Variants in KCNH7 observed in about 807,000 individuals in gnomAD.
The protein encoded by KCNH7 is potassium voltage-gated channel subfamily H member 7, also known as voltage-gated inwardly rectifying potassium channel KCNH7.
KCNH7 carries 49 observed loss-of-function variants against 120.8 expected under a neutral mutation model. That is an observed-to-expected ratio of 0.41 (90% CI 0.32 to 0.51). The LOEUF (loss-of-function observed/expected upper bound fraction) is 0.51. KCNH7 is among the 20% of genes least tolerant of loss of function. KCNH7 has a pLI of 0.38. For synonymous variants in KCNH7, 547 were observed against 516.1 expected (o/e 1.06, Z -0.81); for missense variants, 1,097 against 1,446.6 (o/e 0.76, Z 3.92).
chr2:162,699,330 C>G (rs1044912781), intron 2 of KCNH7, among the ~76,000 whole-genome samples: 12 of 152,108 alleles, frequency 7.9e-5, no homozygotes, highest in African/African-American at 2.9e-4. Flanking sequence ...CCAGGTTCAT[C>G]TATGTTAGCA....
chr2:162,590,456 A>G (rs1328498935), intron 2 of KCNH7, among the ~76,000 whole-genome samples: 2 of 152,148 alleles, frequency 1.3e-5, no homozygotes, highest in Non-Finnish European at 1.5e-5. Flanking sequence ...GATTAAAGTG[A>G]TGGGCATCTT....
intron 2 of KCNH7, among the ~76,000 whole-genome samples, chr2:162,737,664 C>T (rs1687964570): frequency 6.6e-6 from 1 of 152,092 alleles, no homozygotes; most frequent in South Asian, 2.1e-4. Context: ...AAATCACAAA[C>T]ACTTTACTGA....
chr2:162,395,586 A>G (rs1323779082), intron 11 of KCNH7, among the ~76,000 whole-genome samples: 1 of 151,728 alleles, frequency 6.6e-6, no homozygotes, highest in African/African-American at 2.4e-5. Context: ...TTTTCAAGGC[A>G]AAGTCAGAAT....
intron 8 of KCNH7, among the ~76,000 whole-genome samples, chr2:162,433,760 T>C (rs1321759106): frequency 6.6e-6 from 1 of 152,052 alleles, no homozygotes; most frequent in African/African-American, 2.4e-5. Flanking sequence ...TTGGGGAATA[T>C]AAGCATTTAT....
In KCNH7 at chr2:162,781,001, G is replaced by A. The variant is rs961792719; in HGVS notation, c.307+55536C>T. On this transcript the variant is annotated intron_variant, in intron 2 of 15. Transcript: ENST00000332142. ...ATCCTATTGTATATATCCAAATATG[G>A]CCATTTACATATCCAATCTATATTG... 5.9e-5 allele frequency among the ~76,000 whole-genome samples: 9 copies of A among 151,886 alleles called. 1 individual carries two copies. The highest frequency in any genetic ancestry group is 5.3e-4 in the Admixed American group (8 of 15,238).
chr2:162,486,972 C>G (rs74888743), intron 6 of KCNH7, among the ~76,000 whole-genome samples: 1 of 152,096 alleles, frequency 6.6e-6, no homozygotes, highest in African/African-American at 2.4e-5. Context: ...CTGGGACATC[C>G]TTGGGAGACA....
chr2:162,718,625 G>A (rs1436956636), intron 2 of KCNH7, among the ~76,000 whole-genome samples: 1 of 151,870 alleles, frequency 6.6e-6, no homozygotes, highest in Non-Finnish European at 1.5e-5. Flanking sequence ...TCAAAATTGG[G>A]TTGTGAGTGT....
rs191288023 is a variant in KCNH7 at position 162,561,322 on chromosome 2, G to A, written c.308-24242C>T. Among the ~76,000 whole-genome samples, 744 of 152,120 alleles carry A rather than the reference G, an allele frequency of 4.9e-3. 4 individuals carry two copies. The highest frequency in any genetic ancestry group is 8.5e-3 in the Admixed American group (130 of 15,294). On this transcript the variant is annotated intron_variant, in intron 2 of 15. Transcript: ENST00000332142. Reference sequence around the variant, plus strand: ...GTTGCTGTTGTTGCTGAAAAGAATCGACATTTCATTTTCTTTAAACCAGTT... The same window carrying A: ...GTTGCTGTTGTTGCTGAAAAGAATCAACATTTCATTTTCTTTAAACCAGTT...
Position 162,791,333 on chromosome 2 carries a change from A to C in KCNH7, c.307+45204T>G, listed in dbSNP as rs1683935376. Among the ~76,000 whole-genome samples, 2 of 152,076 alleles carry C rather than the reference A, an allele frequency of 1.3e-5. 1 individual carries two copies. Among genetic ancestry groups the C allele is most frequent in the South Asian group, 4.1e-4 (2 of 4,828 alleles). ...TAGTTCTGTGAAGAATGTCAATGGT[A>C]GTTTAATAGGAATACTATTGAATTT... On this transcript the variant is annotated intron_variant, in intron 2 of 15. Transcript: ENST00000332142.
At chr2:162,743,886 T>C (rs1047926018) in intron 2 of KCNH7, among the ~76,000 whole-genome samples, 1 of 152,142 alleles carries the variant, frequency 6.6e-6, no homozygotes, top group Admixed American at 6.5e-5. Context: ...TATTTTTTCA[T>C]ATATAATACT....
intron 2 of KCNH7, among the ~76,000 whole-genome samples, chr2:162,765,526 A>G (rs145853114): frequency 6.6e-4 from 101 of 152,260 alleles, no homozygotes; most frequent in African/African-American, 2.2e-3. Context: ...CTAGAGGTGC[A>G]TATGTCTTAC....
chr2:162,678,465 A>G (rs1685601235), intron 2 of KCNH7, among the ~76,000 whole-genome samples: 1 of 151,450 alleles, frequency 6.6e-6, no homozygotes, highest in African/African-American at 2.4e-5. Flanking sequence ...TCTATGTCTA[A>G]TAAAAATCTC....
intron 2 of KCNH7, among the ~76,000 whole-genome samples, chr2:162,661,547 G>A (rs568053376): frequency 7.2e-5 from 11 of 152,250 alleles, no homozygotes; most frequent in South Asian, 2.1e-4. Flanking sequence ...TCTGTAAGGC[G>A]TAAAAACCCT....
intron 8 of KCNH7, among the ~76,000 whole-genome samples, 184 bp downstream of exon 8, chr2:162,435,014 C>T (rs1213058181): frequency 6.6e-6 from 1 of 151,990 alleles, no homozygotes; most frequent in Non-Finnish European, 1.5e-5. Flanking sequence ...TTCAAAAAGA[C>T]CTTTTGGTGT....
At chr2:162,698,244 T>C (rs1686364995) in intron 2 of KCNH7, among the ~76,000 whole-genome samples, 1 of 152,140 alleles carries the variant, frequency 6.6e-6, no homozygotes, top group Non-Finnish European at 1.5e-5. Context: ...AAGTGTTTTA[T>C]CCTGTTAAAT....
chr2:162,668,495 C>T (rs1685225871), intron 2 of KCNH7, among the ~76,000 whole-genome samples: 1 of 152,134 alleles, frequency 6.6e-6, no homozygotes, highest in East Asian at 1.9e-4. Flanking sequence ...AGCTGTGACT[C>T]AAATTAAGTT....
Position 162,662,606 on chromosome 2 carries a change from C to G in KCNH7, c.308-125526G>C, listed in dbSNP as rs545895781. On this transcript the variant is annotated intron_variant, in intron 2 of 15. Transcript: ENST00000332142. ...CTATTTCAGAGTCTTTGCACATCTT[C>G]TGTCTGACAGGAACATATAAAAGCT... 5.3e-5 allele frequency among the ~76,000 whole-genome samples: 8 copies of G among 152,324 alleles called. No homozygotes were observed. The South Asian group carries it at 1.7e-3, about 32-fold the overall frequency.
chr2:162,504,359 T>C, intron 6 of KCNH7, 84 bp downstream of exon 6: 1 of 1,016,384 alleles, frequency 9.8e-7, no homozygotes, highest in Non-Finnish European at 1.5e-6. Context: ...CTACCGACAG[T>C]CATTTATAAG....
chr2:162,529,653 T>C (rs529500762), intron 3 of KCNH7, among the ~76,000 whole-genome samples: 1 of 152,098 alleles, frequency 6.6e-6, no homozygotes, highest in Admixed American at 6.5e-5. Flanking sequence ...CAAGAATGCA[T>C]AATTTGTTTC....
Sources: allele counts gnomAD v4.1 joint callset (sites outside exome capture counted in the v4.1 genomes callset), GRCh38; gene constraint gnomAD v4.1.1; transcripts MANE v1.5; gene names NCBI Gene and HGNC (gene_info 2026-07-23, HGNC 2026-07-21).